The following DCAF17 variants were observed in gnomAD, a reference collection of about 807,000 sequenced individuals.
The protein encoded by DCAF17 is DDB1 and CUL4 associated factor 17, also known as DDB1- and CUL4-associated factor 17.
In DCAF17, 48 loss-of-function variants were observed where a neutral mutation model predicts 66.0. The ratio of observed to expected loss-of-function variants is 0.73; its 90% CI spans 0.58 to 0.92. The LOEUF (loss-of-function observed/expected upper bound fraction) is 0.92. Ranked by LOEUF, DCAF17 falls within the 40% of genes least tolerant of loss-of-function variation. The probability of loss-of-function intolerance (pLI) is 0.00; values close to 1 mark genes in which losing one functional copy is unlikely to be tolerated. For missense variants in DCAF17, 562 were observed against 622.8 expected (o/e 0.90, Z 1.04); for synonymous variants, 206 against 214.6 (o/e 0.96, Z 0.35).
At chr2:171,479,070 C>T (rs1696626482) in intron 12 of DCAF17, among the ~76,000 whole-genome samples, 1 of 152,072 alleles carries the variant, frequency 6.6e-6, no homozygotes, top group Non-Finnish European at 1.5e-5. Context: ...CAAGAAGTCA[C>T]CCTTTGAAGT....
chr2:171,437,269 A>G (rs1281576731), intron 2 of DCAF17, among the ~76,000 whole-genome samples: 1 of 152,190 alleles, frequency 6.6e-6, no homozygotes, highest in Non-Finnish European at 1.5e-5. Flanking sequence ...AGTATAGGGT[A>G]TAAGGTAGGT....
chr2:171,451,776 A>G (rs2105758391), intron 5 of DCAF17, among the ~76,000 whole-genome samples: 1 of 152,176 alleles, frequency 6.6e-6, no homozygotes. Context: ...GGGTTTCACC[A>G]TGTTGGCCAG....
intron 13 of DCAF17, 57 bp from the exon 14 acceptor site, chr2:171,480,915 AAC>A: frequency 6.3e-7 from 1 of 1,590,522 alleles, no homozygotes; most frequent in East Asian, 2.2e-5. Flanking sequence ...ACATTTTAGT[AAC>A]ACAGTAGTGA....
chr2:171,471,003 A>G (rs1391193079), intron 9 of DCAF17, among the ~76,000 whole-genome samples: 1 of 152,190 alleles, frequency 6.6e-6, no homozygotes, highest in Non-Finnish European at 1.5e-5. Flanking sequence ...GGTATTTGTG[A>G]GGGGTCCTGG....
intron 3 of DCAF17, 66 bp downstream of exon 3, chr2:171,443,679 A>G: frequency 1.6e-6 from 2 of 1,278,072 alleles, no homozygotes; most frequent in Non-Finnish European, 2.3e-6. Context: ...AGTTATTATT[A>G]ACATATTGCA....
At chr2:171,456,842 CTT>C (rs1197325472) in intron 6 of DCAF17, among the ~76,000 whole-genome samples, 1 of 152,214 alleles carries the variant, frequency 6.6e-6, no homozygotes. Flanking sequence ...TATCCTGAGA[CTT>C]TGCTGATGTT....
At position 171,443,685 on chromosome 2, in the gene DCAF17, T is replaced by C. The variant is rs1344259129; in HGVS notation, c.321+72T>C. ...AGAAGAACCAGTTATTATTAACATA[T>C]TGCATAAAATAATACAACTTAAATA... On this transcript the variant is annotated intron_variant, in intron 3 of 13. Coordinates refer to ENST00000375255, the MANE Select transcript of DCAF17 (RefSeq NM_025000.4). The C allele has an allele frequency of 5.0e-5, 61 of 1,211,958 alleles. No individual in the cohort carries two copies. The South Asian group carries it at 5.7e-4, about 11-fold the overall frequency. 75.1% of individuals were successfully genotyped at this position (1,211,958 alleles called of 1,614,324 possible).
At chr2:171,435,289 T>C (rs1033031265) in intron 2 of DCAF17, 103 bp downstream of exon 2, 10 of 870,648 alleles carry the variant, frequency 1.1e-5, no homozygotes, top group Non-Finnish European at 1.9e-5. Flanking sequence ...TGAAATAGAA[T>C]GAAAAAAATG....
rs1350937966 is a variant in DCAF17 at position 171,476,874 on chromosome 2, C to T, written c.1106C>T (p.Thr369Ile). The T allele has an allele frequency of 6.2e-7, 1 of 1,613,410 alleles. No individual in the cohort carries two copies. Among genetic ancestry groups the T allele is most frequent in the South Asian group, 1.1e-5 (1 of 91,062 alleles). The change falls in exon 11 of 14, where the codon ACT (threonine) becomes ATT (isoleucine). Residue 369 changes from threonine (T) to isoleucine (I), a missense_variant. By Grantham distance (89) the Thr-to-Ile change is moderately conservative. This residue lies in a region of DCAF17 where 201 missense variants were observed against 231.1 expected (regional missense o/e 0.87). Transcript: ENST00000375255. The part of the protein sequence containing the change: ...GPNQVKVLKL[T>I]EIENNSSQHQ... ...TCCCTTCTCAGAGTTTTGAAGCTAA[C>T]TGAAATAGAAAATAATAGTTCTCAG... is the stretch of plus-strand genomic sequence containing the variant.
intron 13 of DCAF17, 81 bp downstream of exon 13, chr2:171,480,274 A>C (rs1696681589): frequency 1.3e-6 from 2 of 1,531,986 alleles, no homozygotes; most frequent in Non-Finnish European, 1.8e-6. Flanking sequence ...TATTGTGTTC[A>C]TGTCAGTCCA....
chr2:171,464,555 G>A (rs150941246), intron 8 of DCAF17, among the ~76,000 whole-genome samples: 2 of 152,184 alleles, frequency 1.3e-5, no homozygotes, highest in African/African-American at 4.8e-5. Flanking sequence ...GATTATATCT[G>A]TAAAGATCCT....
intron 3 of DCAF17, among the ~76,000 whole-genome samples, chr2:171,443,831 A>G (rs1171361583): frequency 6.6e-6 from 1 of 151,994 alleles, no homozygotes; most frequent in Non-Finnish European, 1.5e-5. Context: ...AATTAGATAG[A>G]TTTTTTTTAG....
At chr2:171,438,951 C>G (rs1309064345) in intron 2 of DCAF17, among the ~76,000 whole-genome samples, 2 of 152,056 alleles carry the variant, frequency 1.3e-5, no homozygotes, top group Non-Finnish European at 1.5e-5. Context: ...CCAAGCTGAT[C>G]TCATACTCCT....
rs544389543 is a variant in DCAF17, at chr2:171,462,315, C to G, written c.838+3838C>G. 4.6e-5 allele frequency among the ~76,000 whole-genome samples: 7 copies of G among 152,160 alleles called. No homozygotes were observed. The East Asian group carries it at 1.3e-3, about 29-fold the overall frequency. On this transcript the variant is annotated intron_variant, in intron 8 of 13. Transcript: ENST00000375255. ...CAAATAACAACAGGAGACATAGTTA[C>G]AAATCATACTGTAATGGGGCAATTT... is the stretch of plus-strand genomic sequence containing the variant.
chr2:171,460,874 T>G (rs1695547914), intron 8 of DCAF17, among the ~76,000 whole-genome samples: 3 of 152,222 alleles, frequency 2.0e-5, no homozygotes, highest in Admixed American at 2.0e-4. Context: ...GGGCCTCAAA[T>G]TTTGAAACTT....
Position 171,457,997 on chromosome 2 carries a change from C to G in DCAF17, c.654C>G (p.Thr218=), listed in dbSNP as rs945718664. ...TTTTTGGGAACGTTACAGATGCTAC[C>G]TTGTCTCATGGAATACTGATTGTGA... ...KKIFGNVTDA[T]LSHGILIVMY... The change falls in exon 7 of 14, where the codon ACC becomes ACG. Residue 218 remains threonine, a synonymous_variant. Coordinates refer to ENST00000375255, the MANE Select transcript of DCAF17 (RefSeq NM_025000.4). 5.0e-6 allele frequency: 8 copies of G among 1,613,930 alleles called. No homozygotes were observed. The highest frequency in any genetic ancestry group is 6.8e-6 in the Non-Finnish European group (8 of 1,179,970).
intron 8 of DCAF17, among the ~76,000 whole-genome samples, chr2:171,459,997 A>G (rs1695480500): frequency 6.6e-6 from 1 of 152,108 alleles, no homozygotes; most frequent in African/African-American, 2.4e-5. Context: ...AGTTTTTCCA[A>G]ATGGTAGCAT....
At chr2:171,458,836 C>G (rs1442932837) in intron 8 of DCAF17, among the ~76,000 whole-genome samples, 1 of 152,120 alleles carries the variant, frequency 6.6e-6, no homozygotes, top group African/African-American at 2.4e-5. Context: ...TACCCCCTCT[C>G]TAAGAAAGGT....
Position 171,473,910 on chromosome 2 carries a change from T to C in DCAF17, c.1026T>C (p.Ser342=), listed in dbSNP as rs773544733. 1 of 1,613,896 alleles carries C rather than the reference T, an allele frequency of 6.2e-7. No homozygotes were observed. The highest frequency in any genetic ancestry group is 1.1e-5 in the South Asian group (1 of 91,072). Reference sequence around the variant, plus strand: ...AAATGGATTGTTGTTCTCTAGAATCTGACTGGATCTATTTCCATCCTGATG... The same window carrying C: ...AAATGGATTGTTGTTCTCTAGAATCCGACTGGATCTATTTCCATCCTGATG... ...IQEMDCCSLE[S]DWIYFHPDAS... The change falls in exon 10 of 14, where the codon TCT becomes TCC. Residue 342 remains serine (S), a synonymous_variant. Transcript: ENST00000375255.
Sources: gnomAD v4.1 joint callset for allele counts (sites outside exome capture counted in the v4.1 genomes callset) on GRCh38, gnomAD v4.1.1 for gene constraint, gnomAD v4.1.1 regional missense constraint, MANE v1.5 for transcripts, NCBI Gene and HGNC (gene_info 2026-07-23, HGNC 2026-07-21) for gene names.